TMEM117: variants seen among roughly 807,000 people sequenced by gnomAD.
TMEM117 encodes the protein transmembrane protein 117.
TMEM117 carries 27 observed loss-of-function variants against 52.4 expected under a neutral mutation model. That is an observed-to-expected ratio of 0.51 (90% CI 0.38 to 0.71). The LOEUF (loss-of-function observed/expected upper bound fraction) is 0.71. Ranked by LOEUF, TMEM117 falls within the 30% of genes least tolerant of loss-of-function variation. The probability of loss-of-function intolerance (pLI) is 0.00; values close to 1 mark genes in which losing one functional copy is unlikely to be tolerated. For missense variants in TMEM117, 556 were observed against 630.5 expected, an observed-to-expected ratio of 0.88 and a Z score of 1.26; for synonymous variants, 215 against 206.3, an observed-to-expected ratio of 1.04 and a Z score of -0.36.
At chr12:44,170,808 G>A (rs910553896) in intron 4 of TMEM117, among the ~76,000 whole-genome samples, 11 of 152,020 alleles carry the variant, frequency 7.2e-5, no homozygotes, top group South Asian at 2.1e-4. Context: ...AAAATGATGC[G>A]GAGTACCTTG....
chr12:44,063,349 C>T (rs1027877703), intron 3 of TMEM117, among the ~76,000 whole-genome samples: 2 of 152,132 alleles, frequency 1.3e-5, no homozygotes, highest in Non-Finnish European at 2.9e-5. Flanking sequence ...CAATGTCAGT[C>T]TGCTTTTTGA....
intron 3 of TMEM117, among the ~76,000 whole-genome samples, chr12:44,140,184 T>G (rs1290042353): frequency 2.6e-5 from 4 of 152,162 alleles, no homozygotes; most frequent in African/African-American, 9.7e-5. Flanking sequence ...GCTGATATAT[T>G]ACTCTGGGTG....
chr12:43,935,030 C>T (rs567554904), intron 2 of TMEM117, among the ~76,000 whole-genome samples: 10 of 151,878 alleles, frequency 6.6e-5, no homozygotes, highest in Middle Eastern at 3.4e-3. Flanking sequence ...TTGTTTGAGG[C>T]AAGGTCTCAC....
chr12:44,068,067 A>G (rs188720420), intron 3 of TMEM117, among the ~76,000 whole-genome samples: 25 of 152,224 alleles, frequency 1.6e-4, no homozygotes, highest in Non-Finnish European at 3.4e-4. Context: ...GCATGATCCA[A>G]CCTCTGCTAA....
chr12:44,169,725 A>G (rs978881996), intron 4 of TMEM117, among the ~76,000 whole-genome samples: 2 of 152,118 alleles, frequency 1.3e-5, no homozygotes, highest in Non-Finnish European at 2.9e-5. Context: ...GTTTTATTGC[A>G]TGTACTTTTG....
chr12:43,800,196 T>C, the TMEM117 span, among the ~76,000 whole-genome samples: 3 of 152,208 alleles, frequency 2.0e-5, no homozygotes, highest in East Asian at 5.8e-4. Context: ...ATTTACCATA[T>C]ACTTTAGAAG....
At chr12:44,309,430 T>A (rs2138665368) in intron 6 of TMEM117, among the ~76,000 whole-genome samples, 1 of 152,014 alleles carries the variant, frequency 6.6e-6, no homozygotes, top group East Asian at 1.9e-4. Context: ...CTAGTTAGAT[T>A]AAATGTGGAA....
Position 44,210,554 on chromosome 12 carries a change from T to C in TMEM117, c.511-736T>C, listed in dbSNP as rs17094257. ...TTAGAAGAGGTAGAAAGATCTTCACTGGCAAGGATTTCAAAGCCTAGTGAA... is the reference window on the plus strand; with the variant it reads ...TTAGAAGAGGTAGAAAGATCTTCACCGGCAAGGATTTCAAAGCCTAGTGAA... On this transcript the variant is annotated intron_variant, in intron 4 of 7. Coordinates refer to ENST00000266534, the MANE Select transcript of TMEM117 (RefSeq NM_032256.3). Among the ~76,000 whole-genome samples, 358 of 152,246 alleles carry C rather than the reference T, an allele frequency of 2.4e-3. 12 individuals are homozygous for C. In the East Asian group the frequency reaches 0.035, roughly 15 times the overall value.
At chr12:44,383,312 AAAAT>A (rs1238450667) in intron 7 of TMEM117, among the ~76,000 whole-genome samples, 1 of 151,970 alleles carries the variant, frequency 6.6e-6, no homozygotes, top group Non-Finnish European at 1.5e-5. Context: ...TTAGTTGAAA[AAAAT>A]AACACTTTCC....
At chr12:44,182,569 A>G (rs912708343) in intron 4 of TMEM117, among the ~76,000 whole-genome samples, 3 of 152,362 alleles carry the variant, frequency 2.0e-5, no homozygotes, top group African/African-American at 7.2e-5. Context: ...AATAAGAGCT[A>G]TCTGTGACAA....
chr12:44,026,833 C>T (rs188780846), intron 3 of TMEM117, among the ~76,000 whole-genome samples: 10 of 152,004 alleles, frequency 6.6e-5, no homozygotes, highest in South Asian at 4.1e-4. Context: ...TTGTATATAT[C>T]CTTAAATAGT....
Position 44,172,809 on chromosome 12 carries a change from C to G in TMEM117, c.510+29185C>G, listed in dbSNP as rs560060819. ...ATGCAATCTCAGCTCACTGCAACCT[C>G]TGTCTCCTGGGTTCAAGTGATTCTC... On this transcript the variant is annotated intron_variant, in intron 4 of 7. Transcript: ENST00000266534. 3.3e-5 allele frequency among the ~76,000 whole-genome samples: 5 copies of G among 152,310 alleles called. No homozygotes were observed. In the East Asian group the frequency reaches 9.7e-4, roughly 29 times the overall value.
chr12:44,092,549 T>C (rs1036210978), intron 3 of TMEM117, among the ~76,000 whole-genome samples: 4 of 152,168 alleles, frequency 2.6e-5, no homozygotes, highest in South Asian at 2.1e-4. Flanking sequence ...CAGAGGCATA[T>C]TGAAATAACA....
In TMEM117 at chr12:44,211,276, T is replaced by G; in HGVS notation, c.511-14T>G. The G allele has an allele frequency of 6.3e-7, 1 of 1,579,468 alleles. No homozygotes were observed. The highest frequency in any genetic ancestry group is 8.7e-7 in the Non-Finnish European group (1 of 1,151,690). On this transcript the variant is annotated splice_polypyrimidine_tract_variant and intron_variant, in intron 4 of 7. Coordinates refer to ENST00000266534, the MANE Select transcript of TMEM117 (RefSeq NM_032256.3). ...TTTCTGAAAGTGCTGAATAAGTTCC[T>G]TTCATTGCTTCAGGTCACTGATATG...
intron 7 of TMEM117, among the ~76,000 whole-genome samples, chr12:44,381,918 A>G (rs1592731934): frequency 6.6e-6 from 1 of 152,252 alleles, no homozygotes; most frequent in Middle Eastern, 3.4e-3. Context: ...AAAATTAGCA[A>G]GGGACTCGTT....
At chr12:43,969,484 T>C (rs983843183) in intron 3 of TMEM117, among the ~76,000 whole-genome samples, 2 of 151,248 alleles carry the variant, frequency 1.3e-5, no homozygotes, top group African/African-American at 4.9e-5. Context: ...ATCGCACCAC[T>C]GCACTCCAGC....
At chr12:44,363,550 T>C (rs1340922272) in intron 6 of TMEM117, among the ~76,000 whole-genome samples, 2 of 152,324 alleles carry the variant, frequency 1.3e-5, no homozygotes, top group Admixed American at 1.3e-4. Context: ...AACTACTGAC[T>C]TGAAAAAGAA....
intron 3 of TMEM117, among the ~76,000 whole-genome samples, chr12:44,001,920 A>G (rs1946122476): frequency 6.6e-6 from 1 of 152,172 alleles, no homozygotes; most frequent in South Asian, 2.1e-4. Context: ...CCCAGTGTCC[A>G]TCCTTTCCTG....
chr12:44,391,254 G>A (rs116260635), downstream of TMEM117, among the ~76,000 whole-genome samples: 2,261 of 152,148 alleles, frequency 0.015, 61 homozygotes, highest in African/African-American at 0.052. Context: ...CTATGAATTT[G>A]TGCCTGATAA....
Sources: gnomAD v4.1 joint callset for allele counts (sites outside exome capture counted in the v4.1 genomes callset) on GRCh38, gnomAD v4.1.1 for gene constraint, MANE v1.5 for transcripts, NCBI Gene and HGNC (gene_info 2026-07-23, HGNC 2026-07-21) for gene names.